The following ZNF423 variants were observed in gnomAD, a reference collection of about 807,000 sequenced individuals.
ZNF423 encodes the protein Ebf-associated zinc finger protein.
In ZNF423, 12 loss-of-function variants were observed where a neutral mutation model predicts 95.8. The ratio of observed to expected loss-of-function variants is 0.13; its 90% CI spans 0.08 to 0.20. ZNF423 has a LOEUF of 0.20. Ranked by LOEUF, ZNF423 falls within the 10% of genes least tolerant of loss-of-function variation. The pLI is 1.00. For synonymous variants in ZNF423, 749 were observed against 711.9 expected (o/e 1.05, Z -0.83); for missense variants, 1,316 against 1,737.1 (o/e 0.76, Z 4.31).
chr16:49,580,865 C>A (rs1284775935), intron 5 of ZNF423, among the ~76,000 whole-genome samples: 1 of 152,114 alleles, frequency 6.6e-6, no homozygotes, highest in African/African-American at 2.4e-5. Flanking sequence ...ATCGTGAGAG[C>A]ATAGAAACGT....
At chr16:49,681,042 T>G (rs79511794) in intron 3 of ZNF423, among the ~76,000 whole-genome samples, 5,550 of 152,278 alleles carry the variant, frequency 0.036, 159 homozygotes, top group East Asian at 0.072. Flanking sequence ...CCCTCAGCTC[T>G]GCACACCTTA....
intron 3 of ZNF423, among the ~76,000 whole-genome samples, chr16:49,652,481 TC>T (rs532193264): frequency 3.0e-4 from 46 of 152,136 alleles, no homozygotes; most frequent in African/African-American, 1.0e-3. Flanking sequence ...TACAAGGGAC[TC>T]CCCAGGGGCA....
At chr16:49,705,273 G>A (rs2032313315) in intron 3 of ZNF423, among the ~76,000 whole-genome samples, 1 of 152,184 alleles carries the variant, frequency 6.6e-6, no homozygotes, top group South Asian at 2.1e-4. Context: ...CTGGGATGGG[G>A]AGTGCCCTCT....
intron 2 of ZNF423, among the ~76,000 whole-genome samples, chr16:49,763,775 A>G (rs922447964): frequency 2.0e-5 from 3 of 152,104 alleles, no homozygotes; most frequent in Non-Finnish European, 2.9e-5. Flanking sequence ...TTGTTTTCCA[A>G]AGGGTCAGTT....
intron 2 of ZNF423, among the ~76,000 whole-genome samples, chr16:49,776,299 C>A (rs1166975073): frequency 1.3e-5 from 2 of 152,310 alleles, no homozygotes; most frequent in South Asian, 2.1e-4. Flanking sequence ...CTCTGGCCTG[C>A]GAGGGCCAGC....
intron 5 of ZNF423, among the ~76,000 whole-genome samples, chr16:49,530,619 T>A (rs1467061148): frequency 6.6e-6 from 1 of 151,772 alleles, no homozygotes; most frequent in Non-Finnish European, 1.5e-5. Flanking sequence ...AGGGTGGGAG[T>A]GCTGGTAAAT....
chr16:49,858,856 C>A (rs569626278), upstream of ZNF423, among the ~76,000 whole-genome samples: 1 of 152,294 alleles, frequency 6.6e-6, no homozygotes, highest in South Asian at 2.1e-4. The surrounding 1 kb of genome is among the most constrained non-coding windows in gnomAD (Gnocchi z 4.3). Context: ...GCCGCTCCCC[C>A]ACCCCCGCCG....
intron 1 of ZNF423, among the ~76,000 whole-genome samples, chr16:49,814,436 G>A (rs771674467): frequency 5.3e-5 from 8 of 151,670 alleles, no homozygotes; most frequent in Non-Finnish European, 7.4e-5. Context: ...GGACAGGATC[G>A]GAGGGCAAGC....
chr16:49,714,565 G>C (rs1170385557), intron 3 of ZNF423, among the ~76,000 whole-genome samples: 1 of 151,044 alleles, frequency 6.6e-6, no homozygotes, highest in Non-Finnish European at 1.5e-5. Flanking sequence ...AAAATTGCTT[G>C]AGCCCGGGAG....
chr16:49,856,170 C>G (rs1325290189), upstream of ZNF423: 1 of 137,666 alleles, frequency 7.3e-6, no homozygotes, highest in Non-Finnish European at 1.6e-5. Flanking sequence ...TCCCAACCCC[C>G]CGCCGGCCCC....
chr16:49,857,886 G>A (rs1311932444), upstream of ZNF423: 4 of 152,244 alleles, frequency 2.6e-5, no homozygotes, highest in Non-Finnish European at 2.9e-5. The surrounding 1 kb of genome is among the most constrained non-coding windows in gnomAD (Gnocchi z 6.2). Context: ...TCTGGTCTCC[G>A]GGCAGGCCCG....
At chr16:49,514,508 G>A (rs1421558424) in intron 7 of ZNF423, among the ~76,000 whole-genome samples, 1 of 152,152 alleles carries the variant, frequency 6.6e-6, no homozygotes, top group Non-Finnish European at 1.5e-5. Flanking sequence ...GGAAGGAAGG[G>A]TCCCAAGGGA....
chr16:49,838,526 C>A (rs2035145536), intron 1 of ZNF423, among the ~76,000 whole-genome samples: 2 of 152,176 alleles, frequency 1.3e-5, no homozygotes, highest in Non-Finnish European at 2.9e-5. Context: ...CTTCCCCCAG[C>A]CCCACCCCAA....
intron 4 of ZNF423, among the ~76,000 whole-genome samples, chr16:49,628,257 T>A (rs1972375042): frequency 6.7e-6 from 1 of 149,604 alleles, no homozygotes; most frequent in Admixed American, 6.6e-5. Flanking sequence ...ATACTCCATC[T>A]ACCCATCCAT....
chr16:49,650,441 G>A (rs1268036661), intron 3 of ZNF423, among the ~76,000 whole-genome samples: 3 of 152,100 alleles, frequency 2.0e-5, no homozygotes, highest in Non-Finnish European at 4.4e-5. Flanking sequence ...AAGATAAAGG[G>A]GTTCCTAATG....
intron 3 of ZNF423, among the ~76,000 whole-genome samples, chr16:49,648,435 A>AG (rs111774473): frequency 0.21 from 31,931 of 151,960 alleles, 3,468 homozygotes; most frequent in Admixed American, 0.25. Context: ...TGAGGTCGGG[A>AG]GTTCGAGACC....
chr16:49,636,749 G>A lies in ZNF423; in HGVS notation c.2427C>T (p.Thr809=). Residue 809 remains threonine, a synonymous_variant, in exon 4 of 8, where the codon ACC becomes ACT. Transcript: ENST00000563137. The surrounding 1 kb of genome is among the most constrained non-coding windows in gnomAD (Gnocchi z 8.6). ...STEVELQCHI[T]THSKKYNCKF... ...TACAGTTATACTTCTTGCTGTGTGT[G>A]GTGATGTGGCACTGCAGCTCCACCT... is the stretch of plus-strand genomic sequence containing the variant. 1.2e-6 allele frequency: 2 copies of A among 1,614,102 alleles called. No homozygotes were observed. The highest frequency in any genetic ancestry group is 1.3e-5 in the African/African-American group (1 of 75,068).
chr16:49,833,811 G>A (rs2035087115), intron 1 of ZNF423, among the ~76,000 whole-genome samples: 1 of 151,488 alleles, frequency 6.6e-6, no homozygotes, highest in South Asian at 2.1e-4. Context: ...AGGGGAGCAT[G>A]TGCAGGGGGG....
chr16:49,524,713 G>T (rs2032173159), intron 6 of ZNF423, among the ~76,000 whole-genome samples: 1 of 152,226 alleles, frequency 6.6e-6, no homozygotes, highest in Admixed American at 6.5e-5. Flanking sequence ...CCTCCCCAGG[G>T]TGGGCTTCCT....
Sources: allele counts gnomAD v4.1 joint callset (sites outside exome capture counted in the v4.1 genomes callset), GRCh38; gene constraint gnomAD v4.1.1; non-coding constraint Gnocchi (gnomAD v3.1); transcripts MANE v1.5; gene names NCBI Gene and HGNC (gene_info 2026-07-23, HGNC 2026-07-21).